The following TYW1B variants were observed in gnomAD, a reference collection of about 807,000 sequenced individuals.
TYW1B encodes tRNA-yW synthesizing protein 1 homolog B.
Under a neutral mutation model 86.9 loss-of-function variants are expected in TYW1B, and 73 were observed. The observed-to-expected ratio is 0.84, with a 90% CI of 0.70 to 1.02. The LOEUF is 1.02. Among genes scored for constraint, TYW1B ranks in the 50% least tolerant of loss-of-function variants. TYW1B has a pLI of 0.00. For synonymous variants in TYW1B, 248 were observed against 292.8 expected (o/e 0.85, Z 1.56); for missense variants, 637 against 827.4 (o/e 0.77, Z 2.82).
At chr7:72,575,957 C>A (rs1364154077) in intron 13 of TYW1B, among the ~76,000 whole-genome samples, 2 of 152,208 alleles carry the variant, frequency 1.3e-5, no homozygotes, top group African/African-American at 4.8e-5. Context: ...TTTGCTGGGC[C>A]CGGAAGACAA....
In TYW1B at chr7:72,723,503, A is replaced by G. The variant is rs544744273; in HGVS notation, c.1192+5319T>C. On this transcript the variant is annotated intron_variant, in intron 9 of 13. Transcript: ENST00000620995. ...AAATTAAGGCCAGGTGCAGTGGTTC[A>G]CACCTATAATCCCAACACTTTGGGA... is the stretch of plus-strand genomic sequence containing the variant. Among the ~76,000 whole-genome samples the G allele has an allele frequency of 2.0e-5, 3 of 152,266 alleles. No individual in the cohort carries two copies. The South Asian group carries it at 6.2e-4, about 32-fold the overall frequency.
intron 13 of TYW1B, among the ~76,000 whole-genome samples, chr7:72,603,358 G>A (rs538621700): frequency 1.1e-4 from 17 of 151,486 alleles, no homozygotes; most frequent in African/African-American, 2.7e-4. Context: ...ATGGATGGAC[G>A]AATGGACGGA....
intron 9 of TYW1B, among the ~76,000 whole-genome samples, chr7:72,719,322 T>A (rs555109621): frequency 2.6e-5 from 4 of 151,990 alleles, no homozygotes; most frequent in South Asian, 2.1e-4. Flanking sequence ...TAATTTTTTT[T>A]AAATTTTTGG....
chr7:72,692,563 A>G (rs1554450540), intron 11 of TYW1B, among the ~76,000 whole-genome samples: 4 of 152,112 alleles, frequency 2.6e-5, no homozygotes, highest in Non-Finnish European at 5.9e-5. Context: ...GTACTATGCT[A>G]GACATTGTGC....
At chr7:72,817,168 C>T (rs1434898344) in intron 2 of TYW1B, among the ~76,000 whole-genome samples, 1 of 152,140 alleles carries the variant, frequency 6.6e-6, no homozygotes, top group Non-Finnish European at 1.5e-5. Context: ...CTTTGGGAAG[C>T]CAAGGCAGAC....
intron 6 of TYW1B, among the ~76,000 whole-genome samples, chr7:72,795,088 G>A (rs1393351246): frequency 1.3e-5 from 2 of 151,946 alleles, no homozygotes; most frequent in African/African-American, 4.8e-5. Context: ...CCAAAGTGCT[G>A]GGATTACATG....
intron 7 of TYW1B, among the ~76,000 whole-genome samples, chr7:72,756,982 A>G (rs906250599): frequency 5.3e-5 from 8 of 152,148 alleles, no homozygotes; most frequent in African/African-American, 1.7e-4. Context: ...ATGAACAATA[A>G]CAAATGCTGA....
rs1168308673 is a variant in TYW1B, at chr7:72,590,990, T to C, written c.1786-15271A>G. ...AACAAAACAGAAATATCAATAGGCATAGAAAACCTAAAAAGAAACCAAAAA... is the reference window on the plus strand; with the variant it reads ...AACAAAACAGAAATATCAATAGGCACAGAAAACCTAAAAAGAAACCAAAAA... On this transcript the variant is annotated intron_variant, in intron 13 of 13. Transcript: ENST00000620995. Among the ~76,000 whole-genome samples, 4 of 152,044 alleles carry C rather than the reference T, an allele frequency of 2.6e-5. No homozygotes were observed. The East Asian group carries it at 7.7e-4, about 29-fold the overall frequency.
chr7:72,796,844 G>A (rs1788313318), intron 6 of TYW1B, among the ~76,000 whole-genome samples: 1 of 151,250 alleles, frequency 6.6e-6, no homozygotes, highest in South Asian at 2.1e-4. Context: ...GAATATATCT[G>A]GGCCAGTCAT....
chr7:72,600,931 G>A (rs1190404228), intron 13 of TYW1B, among the ~76,000 whole-genome samples: 8 of 151,998 alleles, frequency 5.3e-5, no homozygotes, highest in Non-Finnish European at 8.8e-5. Context: ...TGAGGAGGGC[G>A]AATCACCTGA....
At chr7:72,708,135 T>G (rs537397128) in intron 10 of TYW1B, among the ~76,000 whole-genome samples, 3 of 152,244 alleles carry the variant, frequency 2.0e-5, no homozygotes, top group African/African-American at 7.2e-5. Flanking sequence ...GAGAACAGAC[T>G]AATACACAGT....
At chr7:72,699,644 T>C (rs1220864979) in intron 10 of TYW1B, among the ~76,000 whole-genome samples, 5 of 151,976 alleles carry the variant, frequency 3.3e-5, no homozygotes, top group Non-Finnish European at 7.4e-5. Context: ...GTATTCTTAA[T>C]TTTTCTTTTC....
At chr7:72,624,897 A>G (rs182648590) in intron 12 of TYW1B, among the ~76,000 whole-genome samples, 4 of 152,146 alleles carry the variant, frequency 2.6e-5, no homozygotes, top group Non-Finnish European at 4.4e-5. Flanking sequence ...GTCTCTACAA[A>G]AAAGTACAAA....
intron 7 of TYW1B, among the ~76,000 whole-genome samples, chr7:72,775,018 T>C (rs1433661125): frequency 6.6e-6 from 1 of 152,114 alleles, no homozygotes; most frequent in Non-Finnish European, 1.5e-5. Context: ...AATGTCTAAG[T>C]TGAAAAACCT....
intron 7 of TYW1B, among the ~76,000 whole-genome samples, chr7:72,749,440 CCCA>C (rs1252729782): frequency 6.6e-6 from 1 of 152,030 alleles, no homozygotes; most frequent in Admixed American, 6.6e-5. Context: ...ACTACAGGCA[CCCA>C]CCACCAAGCC....
chr7:72,749,870 C>T (rs4717678), intron 7 of TYW1B, among the ~76,000 whole-genome samples: 101,908 of 147,700 alleles, frequency 0.69, 36,091 homozygotes, highest in Non-Finnish European at 0.77. Context: ...CCTACAGATA[C>T]GTTTAATTCT....
Position 72,753,775 on chromosome 7 carries a change from G to A in TYW1B, c.965-9174C>T, listed in dbSNP as rs147234043. ...ATTACAGGCGTGAGCCACTGCGTCC[G>A]GCCCAATCATTAGCAATTTTAGAAA... On this transcript the variant is annotated intron_variant, in intron 7 of 13. Transcript: ENST00000620995. Among the ~76,000 whole-genome samples, 27 of 151,960 alleles carry A rather than the reference G, an allele frequency of 1.8e-4. No individual in the cohort carries two copies. The East Asian group carries it at 4.5e-3, about 25-fold the overall frequency.
chr7:72,776,044 G>C (rs1787948540), intron 7 of TYW1B, among the ~76,000 whole-genome samples: 1 of 152,112 alleles, frequency 6.6e-6, no homozygotes, highest in African/African-American at 2.4e-5. Flanking sequence ...CTATTCAGGG[G>C]GCTGAGGCAG....
chr7:72,680,181 T>C (rs1371194944), intron 11 of TYW1B, among the ~76,000 whole-genome samples: 8 of 152,162 alleles, frequency 5.3e-5, no homozygotes, highest in Admixed American at 3.9e-4. Context: ...AAAGTATTGC[T>C]CCTGGGTGTG....
Sources: allele counts gnomAD v4.1 joint callset (sites outside exome capture counted in the v4.1 genomes callset), GRCh38; gene constraint gnomAD v4.1.1; transcripts MANE v1.5; gene names NCBI Gene and HGNC (gene_info 2026-07-23, HGNC 2026-07-21).